The following STK24 variants were observed in gnomAD, a reference collection of about 807,000 sequenced individuals.
STK24 encodes the protein serine/threonine-protein kinase 24.
STK24 carries 21 observed loss-of-function variants against 55.6 expected under a neutral mutation model. The ratio of observed to expected loss-of-function variants is 0.38; its 90% CI spans 0.27 to 0.54. The LOEUF is 0.54. STK24 is among the 20% of genes least tolerant of loss of function. The pLI is 0.79. For missense variants in STK24, 383 were observed against 538.4 expected (o/e 0.71, Z 2.86); for synonymous variants, 200 against 215.2 (o/e 0.93, Z 0.62).
chr13:98,454,938 TA>T, intron 10 of STK24: 1 of 152,366 alleles, frequency 6.6e-6, no homozygotes, highest in East Asian at 1.9e-4. Flanking sequence ...CACTGCAAAG[TA>T]AAGTTTTAAA....
chr13:98,537,233 T>G (rs1896760549), intron 1 of STK24, among the ~76,000 whole-genome samples: 1 of 152,178 alleles, frequency 6.6e-6, no homozygotes, highest in Non-Finnish European at 1.5e-5. Flanking sequence ...CATCAGGCAG[T>G]CCTCCTGGGT....
chr13:98,449,498 TCAAA>T lies in STK24; in HGVS notation c.*3671_*3674del, dbSNP rs755619087. ...TCCTAAGCCCTTTCTAACGAGAGTC[TCAAA>T]CAAGCGGAGGCGAGGGCCAATTCAA... On this transcript the variant is annotated 3_prime_UTR_variant, in exon 11 of 11. Coordinates refer to ENST00000539966, the MANE Select transcript of STK24 (RefSeq NM_001032296.4). 1 of 152,286 alleles carries T rather than the reference TCAAA, an allele frequency of 6.6e-6. No individual in the cohort carries two copies. Among genetic ancestry groups the T allele is most frequent in the Non-Finnish European group, 1.5e-5 (1 of 67,988 alleles). The allele number at this position is 152,286 out of a possible 1,614,324, so 9.4% of individuals were successfully genotyped here. A position where few individuals can be genotyped will look rare whatever the true frequency, so the allele number is the denominator to read the frequency against.
chr13:98,482,156 G>C (rs1374698975), intron 3 of STK24, 109 bp downstream of exon 3: 4 of 549,644 alleles, frequency 7.3e-6, no homozygotes, highest in Non-Finnish European at 1.2e-5. Flanking sequence ...CTTTTTTAAT[G>C]CAACTTGAAA....
At chr13:98,487,660 A>G (rs904377156) in intron 2 of STK24, among the ~76,000 whole-genome samples, 48 of 152,322 alleles carry the variant, frequency 3.2e-4, no homozygotes, top group African/African-American at 1.1e-3. Context: ...CTTTTTACCT[A>G]AAGTTTCTTA....
At chr13:98,504,647 A>T (rs1422159703) in intron 2 of STK24, among the ~76,000 whole-genome samples, 1 of 152,010 alleles carries the variant, frequency 6.6e-6, no homozygotes, top group Non-Finnish European at 1.5e-5. Flanking sequence ...GTCGTCGGTG[A>T]CTATCTACAC....
chr13:98,501,053 A>T (rs574122133), intron 2 of STK24, among the ~76,000 whole-genome samples: 250 of 152,356 alleles, frequency 1.6e-3, no homozygotes, highest in Middle Eastern at 3.4e-3. Context: ...GGGGAAAAAA[A>T]GGGAAACCAC....
chr13:98,453,298 A>G (rs1679774719), intron 10 of STK24, 89 bp from the exon 11 acceptor site: 1 of 1,373,900 alleles, frequency 7.3e-7, no homozygotes, highest in Non-Finnish European at 1.0e-6. Context: ...CTTAGTTTTC[A>G]TAAGAAATTC....
In STK24 at chr13:98,445,882, C is replaced by A; in HGVS notation, c.*7291G>T. ...GTGTCTTTTGGGGGGACACAGGGACCCCAAGATGCCCCACAGCAAGTGACA... is the reference window on the plus strand; with the variant it reads ...GTGTCTTTTGGGGGGACACAGGGACACCAAGATGCCCCACAGCAAGTGACA... On this transcript the variant is annotated 3_prime_UTR_variant, in exon 11 of 11. Coordinates refer to ENST00000539966, the MANE Select transcript of STK24 (RefSeq NM_001032296.4). 7.8e-6 allele frequency: 4 copies of A among 514,626 alleles called. No individual in the cohort carries two copies. The highest frequency in any genetic ancestry group is 1.4e-5 in the Non-Finnish European group (4 of 287,250). 31.9% of individuals were successfully genotyped at this position (514,626 alleles called of 1,614,324 possible). A position where few individuals can be genotyped will look rare whatever the true frequency, so the allele number is the denominator to read the frequency against.
rs1008295176 is a variant in STK24 at position 98,448,524 on chromosome 13, C to T, written c.*4649G>A. Reference sequence around the variant, plus strand: ...CGCTCCCACCTCCAGTCCTGGCATCCGCTGGGGGCGCTGTTCTTTAGCTAG... The same window carrying T: ...CGCTCCCACCTCCAGTCCTGGCATCTGCTGGGGGCGCTGTTCTTTAGCTAG... On this transcript the variant is annotated 3_prime_UTR_variant, in exon 11 of 11. Transcript: ENST00000539966. 4.2e-5 allele frequency: 24 copies of T among 568,942 alleles called. No individual in the cohort carries two copies. The highest frequency in any genetic ancestry group is 3.4e-4 in the African/African-American group (18 of 53,056). The allele number at this position is 568,942 out of a possible 1,614,324, so 35.2% of individuals were successfully genotyped here.
chr13:98,521,771 T>G, intron 1 of STK24: 1 of 780,962 alleles, frequency 1.3e-6, no homozygotes, highest in South Asian at 1.3e-5. Flanking sequence ...GCCCTCTCCC[T>G]TACCGTGCTC....
At chr13:98,491,173 A>C (rs1213727772) in intron 2 of STK24, among the ~76,000 whole-genome samples, 19 of 116,006 alleles carry the variant, frequency 1.6e-4, no homozygotes, top group Admixed American at 1.6e-3. Flanking sequence ...AAGAATGCAG[A>C]AGCCCACCGG....
chr13:98,447,303 G>C lies in STK24; in HGVS notation c.*5870C>G, dbSNP rs1413271536. ...GCCCTCCTCGCCCCGGGAGGCAGAA[G>C]GGGAGGGGTCCTCAGCAATATGCTG... On this transcript the variant is annotated 3_prime_UTR_variant, in exon 11 of 11. Coordinates refer to ENST00000539966, the MANE Select transcript of STK24 (RefSeq NM_001032296.4). 3.2e-5 allele frequency: 5 copies of C among 154,512 alleles called. No homozygotes were observed. Among genetic ancestry groups the C allele is most frequent in the Non-Finnish European group, 7.2e-5 (5 of 69,648 alleles). 9.6% of individuals were successfully genotyped at this position (154,512 alleles called of 1,614,324 possible).
intron 10 of STK24, chr13:98,455,087 A>C (rs906881584): frequency 6.6e-6 from 1 of 152,262 alleles, no homozygotes; most frequent in African/African-American, 2.4e-5. Flanking sequence ...ACCAACTCCA[A>C]AGACGGTCCC....
At chr13:98,564,688 TC>T (rs1566407653) in intron 1 of STK24, among the ~76,000 whole-genome samples, 1 of 152,136 alleles carries the variant, frequency 6.6e-6, no homozygotes, top group South Asian at 2.1e-4. Context: ...TTGTTCTAGT[TC>T]GGGGTTTTCC....
chr13:98,526,735 GGAGT>G (rs1372339402), intron 1 of STK24, among the ~76,000 whole-genome samples: 3 of 152,190 alleles, frequency 2.0e-5, no homozygotes, highest in Admixed American at 6.5e-5. Context: ...GCTGTGGGGA[GGAGT>G]GAGTGAGTGA....
rs960664168 is a variant in STK24 at position 98,452,324 on chromosome 13, C to T, written c.*849G>A. On this transcript the variant is annotated 3_prime_UTR_variant, in exon 11 of 11. Transcript: ENST00000539966. Reference sequence around the variant, plus strand: ...ATTCCAAACAAATGTCAGACGAGAGCGCTTCATGGGGAGAAACTGAAAATT... The same window carrying T: ...ATTCCAAACAAATGTCAGACGAGAGTGCTTCATGGGGAGAAACTGAAAATT... 6.6e-5 allele frequency: 10 copies of T among 152,526 alleles called. No homozygotes were observed. The highest frequency in any genetic ancestry group is 3.9e-4 in the East Asian group (2 of 5,180). The allele number at this position is 152,526 out of a possible 1,614,324, so 9.4% of individuals were successfully genotyped here.
At chr13:98,525,726 C>G (rs1361468369) in intron 1 of STK24, among the ~76,000 whole-genome samples, 1 of 152,140 alleles carries the variant, frequency 6.6e-6, no homozygotes, top group Non-Finnish European at 1.5e-5. Context: ...CACTGATGAG[C>G]CCTGGGGCTT....
At chr13:98,482,126 C>A (rs1256879612) in intron 3 of STK24, 139 bp downstream of exon 3, 5 of 433,352 alleles carry the variant, frequency 1.2e-5, no homozygotes, top group Non-Finnish European at 2.1e-5. Flanking sequence ...CAAAAAAACA[C>A]GTAAGGAATA....
At chr13:98,460,637 AG>A (rs983600107) in intron 8 of STK24, among the ~76,000 whole-genome samples, 197 bp from the exon 9 acceptor site, 1 of 152,166 alleles carries the variant, frequency 6.6e-6, no homozygotes, top group Non-Finnish European at 1.5e-5. Flanking sequence ...TTTCATCTGC[AG>A]TGACATGCAA....
Sources: allele counts gnomAD v4.1 joint callset (sites outside exome capture counted in the v4.1 genomes callset), GRCh38; gene constraint gnomAD v4.1.1; transcripts MANE v1.5; gene names NCBI Gene and HGNC (gene_info 2026-07-23, HGNC 2026-07-21).